The following CDH10 variants were observed in gnomAD, a reference collection of about 807,000 sequenced individuals.
CDH10 encodes cadherin-10.
A neutral mutation model predicts 73.1 loss-of-function variants in CDH10; 30 were observed. The observed-to-expected ratio is 0.41, with a 90% CI of 0.31 to 0.56. The LOEUF (loss-of-function observed/expected upper bound fraction) is 0.56, where lower values mean the gene tolerates loss of function less well. Ranked by LOEUF, CDH10 falls within the 20% of genes least tolerant of loss-of-function variation. The pLI, the probability that CDH10 is intolerant of heterozygous loss-of-function variation, is 0.27. For synonymous variants in CDH10, 345 were observed against 348.2 expected (o/e 0.99, Z 0.10); for missense variants, 815 against 973.7 (o/e 0.84, Z 2.17).
chr5:24,525,919 G>C (rs1391767069), intron 5 of CDH10, among the ~76,000 whole-genome samples: 1 of 152,058 alleles, frequency 6.6e-6, no homozygotes, highest in African/African-American at 2.4e-5. Flanking sequence ...TGGTCTCCAA[G>C]TTAATTGGCA....
chr5:24,618,159 G>A (rs1747186683), intron 1 of CDH10, among the ~76,000 whole-genome samples: 1 of 152,114 alleles, frequency 6.6e-6, no homozygotes, highest in Non-Finnish European at 1.5e-5. Context: ...TCCACTCAAA[G>A]AATGGACCAT....
rs1561132016 is a variant in CDH10, at chr5:24,511,307, T to C, written c.1002+20A>G. 6.6e-7 allele frequency: 1 copy of C among 1,523,284 alleles called. No individual in the cohort carries two copies. The highest frequency in any genetic ancestry group is 9.1e-7 in the Non-Finnish European group (1 of 1,101,238). The allele number at this position is 1,523,284 out of a possible 1,614,324, so 94.4% of individuals were successfully genotyped here. A position where few individuals can be genotyped will look rare whatever the true frequency, so the allele number is the denominator to read the frequency against. ...TACTCCTGAAACACACAGATGCTTATTTATATGGATGCTGTGCACCTTTTT... is the reference window on the plus strand; with the variant it reads ...TACTCCTGAAACACACAGATGCTTACTTATATGGATGCTGTGCACCTTTTT... On this transcript the variant is annotated intron_variant, in intron 6 of 11. Coordinates refer to ENST00000264463, the MANE Select transcript of CDH10 (RefSeq NM_006727.5).
chr5:24,628,322 T>C (rs1747579111), intron 1 of CDH10, among the ~76,000 whole-genome samples: 1 of 152,140 alleles, frequency 6.6e-6, no homozygotes, highest in South Asian at 2.1e-4. Context: ...CCCAAAACCA[T>C]GATATTTTAA....
At chr5:24,517,452 C>T (rs955988573) in intron 5 of CDH10, among the ~76,000 whole-genome samples, 5 of 152,000 alleles carry the variant, frequency 3.3e-5, no homozygotes, top group African/African-American at 1.2e-4. Context: ...AGTGAGATAT[C>T]AAAGATTAAT....
In CDH10 at chr5:24,504,564, C is replaced by T. The variant is rs550597065; in HGVS notation, c.1393+548G>A. On this transcript the variant is annotated intron_variant, in intron 8 of 11. Transcript: ENST00000264463. ...TTTTTAAGATGGAATCTCGCTCTGT[C>T]GCCCGGGCTGGAGTGCAGTGGCGCG... is the stretch of plus-strand genomic sequence containing the variant. Among the ~76,000 whole-genome samples, 221 of 117,546 alleles carry T rather than the reference C, an allele frequency of 1.9e-3. 3 individuals carry two copies. The highest frequency in any genetic ancestry group is 6.8e-3 in the African/African-American group (212 of 31,182). The allele number at this position is 117,546 out of a possible 152,430, so 77.1% of individuals were successfully genotyped here. A position where few individuals can be genotyped will look rare whatever the true frequency, so the allele number is the denominator to read the frequency against.
intron 1 of CDH10, among the ~76,000 whole-genome samples, chr5:24,627,809 T>C (rs1037548267): frequency 2.0e-5 from 3 of 151,828 alleles, no homozygotes; most frequent in Non-Finnish European, 4.4e-5. Context: ...TCAGTATTAG[T>C]GAAAGCACAA....
chr5:24,500,930 A>G (rs960341440), intron 8 of CDH10, among the ~76,000 whole-genome samples: 2 of 152,146 alleles, frequency 1.3e-5, no homozygotes, highest in African/African-American at 4.8e-5. Context: ...AGGGAAAATA[A>G]AAAGGAGAAA....
At chr5:24,507,625 A>G (rs1742745534) in intron 7 of CDH10, among the ~76,000 whole-genome samples, 4 of 152,062 alleles carry the variant, frequency 2.6e-5, no homozygotes, top group Admixed American at 2.6e-4. Context: ...ATTATATTTT[A>G]TTTTGTAAAG....
chr5:24,604,127 C>T (rs1170671418), intron 1 of CDH10, among the ~76,000 whole-genome samples: 2 of 152,034 alleles, frequency 1.3e-5, no homozygotes, highest in Non-Finnish European at 2.9e-5. Flanking sequence ...GGCAGGAGGA[C>T]TACTTGAGGC....
At chr5:24,634,842 T>A (rs1424847865) in intron 1 of CDH10, among the ~76,000 whole-genome samples, 2 of 151,748 alleles carry the variant, frequency 1.3e-5, no homozygotes, top group East Asian at 1.9e-4. Context: ...AAAAAAACTG[T>A]GATATAATCC....
chr5:24,536,358 T>A (rs1254083452), intron 3 of CDH10, among the ~76,000 whole-genome samples: 2 of 152,084 alleles, frequency 1.3e-5, no homozygotes, highest in Non-Finnish European at 2.9e-5. Context: ...GACTTTATAG[T>A]GAGATGACTG....
At chr5:24,602,531 T>A (rs1746602638) in intron 1 of CDH10, among the ~76,000 whole-genome samples, 1 of 152,178 alleles carries the variant, frequency 6.6e-6, no homozygotes, top group Non-Finnish European at 1.5e-5. Context: ...TGCATGGTGA[T>A]ACTTACTACG....
At chr5:24,523,117 G>A (rs979747048) in intron 5 of CDH10, among the ~76,000 whole-genome samples, 1 of 151,944 alleles carries the variant, frequency 6.6e-6, no homozygotes, top group African/African-American at 2.4e-5. Context: ...GGTGGGGAGT[G>A]AAATTATATT....
At chr5:24,605,217 G>A (rs58620441) in intron 1 of CDH10, among the ~76,000 whole-genome samples, 2,326 of 152,302 alleles carry the variant, frequency 0.015, 58 homozygotes, top group African/African-American at 0.052. Context: ...ACATTACCAA[G>A]TGTTGGAAAG....
intron 8 of CDH10, among the ~76,000 whole-genome samples, chr5:24,502,983 G>A (rs2111712257): frequency 6.6e-6 from 1 of 152,244 alleles, no homozygotes; most frequent in South Asian, 2.1e-4. Flanking sequence ...AGAACAAGGG[G>A]CTATAAATAG....
chr5:24,507,825 G>C (rs1742754005), intron 7 of CDH10, among the ~76,000 whole-genome samples: 1 of 152,110 alleles, frequency 6.6e-6, no homozygotes, highest in African/African-American at 2.4e-5. Context: ...TTGGGGAAGA[G>C]GCATTTATGG....
chr5:24,518,479 A>G (rs1210457248), intron 5 of CDH10, among the ~76,000 whole-genome samples: 1 of 152,178 alleles, frequency 6.6e-6, no homozygotes, highest in Non-Finnish European at 1.5e-5. Flanking sequence ...AAATACACGT[A>G]AATATATGAG....
chr5:24,553,189 C>T (rs1214171960), intron 2 of CDH10, among the ~76,000 whole-genome samples: 1 of 151,640 alleles, frequency 6.6e-6, no homozygotes, highest in Non-Finnish European at 1.5e-5. Context: ...GATCTCTGAT[C>T]TTTGTATAAG....
chr5:24,498,541 A>T (rs2111686104), intron 8 of CDH10, 22 bp from the exon 9 acceptor site: 1 of 1,571,312 alleles, frequency 6.4e-7, no homozygotes, highest in East Asian at 2.2e-5. Flanking sequence ...GAAGAAAAAT[A>T]TTGTTTAGGA....
Sources: allele counts gnomAD v4.1 joint callset (sites outside exome capture counted in the v4.1 genomes callset), GRCh38; gene constraint gnomAD v4.1.1; transcripts MANE v1.5; gene names NCBI Gene and HGNC (gene_info 2026-07-23, HGNC 2026-07-21).